Variants in DPYD observed in about 807,000 individuals in gnomAD.
The protein encoded by DPYD is dihydropyrimidine dehydrogenase.
DPYD carries 109 observed loss-of-function variants against 116.2 expected under a neutral mutation model. That is an observed-to-expected ratio of 0.94 (90% confidence interval 0.80 to 1.10). The LOEUF is 1.10. Among genes scored for constraint, DPYD ranks in the 50% least tolerant of loss-of-function variants. DPYD has a pLI of 0.00. For missense variants in DPYD, 1,302 were observed against 1,254.5 expected (o/e 1.04, Z -0.57); for synonymous variants, 440 against 432.0 (o/e 1.02, Z -0.23).
At chr1:97,222,463 T>C (rs1334866063) in intron 19 of DPYD, among the ~76,000 whole-genome samples, 1 of 152,150 alleles carries the variant, frequency 6.6e-6, no homozygotes, top group Non-Finnish European at 1.5e-5. Context: ...TTAATCTTTC[T>C]ATCAAGTGGA....
chr1:97,095,594 A>G (rs1223479916), intron 21 of DPYD, among the ~76,000 whole-genome samples: 2 of 150,098 alleles, frequency 1.3e-5, no homozygotes, highest in Non-Finnish European at 3.0e-5. Context: ...TTTGCTAGAG[A>G]TGATTACACA....
chr1:97,653,576 T>C (rs372080036), intron 8 of DPYD, among the ~76,000 whole-genome samples: 63 of 152,322 alleles, frequency 4.1e-4, no homozygotes, highest in African/African-American at 1.4e-3. Flanking sequence ...GTGCTGGGAT[T>C]ACAGGTGTGA....
chr1:97,602,679 G>C (rs536709647), intron 8 of DPYD, among the ~76,000 whole-genome samples: 24 of 151,870 alleles, frequency 1.6e-4, no homozygotes, highest in African/African-American at 5.8e-4. Context: ...AAATATCCTT[G>C]AGTATATTGT....
chr1:97,720,131 C>T, intron 5 of DPYD: 1 of 984,420 alleles, frequency 1.0e-6, no homozygotes, highest in Non-Finnish European at 1.2e-6. Flanking sequence ...TAATGTATTT[C>T]CCTGTCTCTC....
At chr1:97,144,221 T>G (rs1331286218) in intron 20 of DPYD, among the ~76,000 whole-genome samples, 3 of 152,204 alleles carry the variant, frequency 2.0e-5, no homozygotes, top group African/African-American at 7.2e-5. Context: ...TGCCTTTCTT[T>G]CAGCTTTACG....
intron 10 of DPYD, among the ~76,000 whole-genome samples, chr1:97,584,889 T>C (rs1653978211): frequency 6.6e-6 from 1 of 150,676 alleles, no homozygotes; most frequent in Non-Finnish European, 1.5e-5. Context: ...ACATGGCACA[T>C]GTATACATAT....
At chr1:97,348,220 T>C (rs558651488) in intron 16 of DPYD, among the ~76,000 whole-genome samples, 1 of 152,270 alleles carries the variant, frequency 6.6e-6, no homozygotes, top group East Asian at 1.9e-4. Context: ...ATTCTGTTAA[T>C]ATTACTGTGC....
intron 16 of DPYD, among the ~76,000 whole-genome samples, chr1:97,346,561 G>C (rs1191765114): frequency 1.3e-5 from 2 of 151,724 alleles, no homozygotes; most frequent in East Asian, 3.9e-4. Context: ...AATCCTTATA[G>C]ATTATAAGGT....
At chr1:97,248,468 T>C (rs1662869526) in intron 18 of DPYD, among the ~76,000 whole-genome samples, 1 of 152,224 alleles carries the variant, frequency 6.6e-6, no homozygotes, top group South Asian at 2.1e-4. Context: ...GTGAGTCCAA[T>C]TAAACCTCTT....
At chr1:97,605,442 C>A (rs1241716285) in intron 8 of DPYD, among the ~76,000 whole-genome samples, 2 of 151,850 alleles carry the variant, frequency 1.3e-5, no homozygotes, top group Non-Finnish European at 2.9e-5. Flanking sequence ...TGTGATTTCC[C>A]CTGCTGGCAC....
At chr1:97,697,707 T>A (rs568093853) in intron 6 of DPYD, among the ~76,000 whole-genome samples, 74 of 151,752 alleles carry the variant, frequency 4.9e-4, no homozygotes, top group African/African-American at 1.5e-3. Flanking sequence ...CAAATAAATT[T>A]AAAAAAAACA....
At chr1:97,603,619 G>A (rs1192018831) in intron 8 of DPYD, among the ~76,000 whole-genome samples, 6 of 152,094 alleles carry the variant, frequency 3.9e-5, no homozygotes, top group Non-Finnish European at 7.4e-5. Context: ...TTACTAAAGT[G>A]TTAATCACCA....
chr1:97,729,229 C>A (rs72734017), intron 4 of DPYD, among the ~76,000 whole-genome samples: 3 of 152,172 alleles, frequency 2.0e-5, no homozygotes, highest in South Asian at 2.1e-4. Flanking sequence ...CACACGTACA[C>A]GAGCTTTGAA....
intron 20 of DPYD, among the ~76,000 whole-genome samples, chr1:97,139,788 G>C (rs1253202398): frequency 1.3e-5 from 2 of 152,170 alleles, no homozygotes; most frequent in Non-Finnish European, 2.9e-5. Flanking sequence ...GACTTGGTGA[G>C]ATGTGATTCA....
chr1:97,368,293 A>T (rs1671145297), intron 16 of DPYD, among the ~76,000 whole-genome samples: 1 of 152,142 alleles, frequency 6.6e-6, no homozygotes, highest in Non-Finnish European at 1.5e-5. Flanking sequence ...AGGCAGATTA[A>T]GCACTTTTCT....
intron 3 of DPYD, among the ~76,000 whole-genome samples, chr1:97,807,295 C>G (rs1453342836): frequency 6.6e-6 from 1 of 151,954 alleles, no homozygotes; most frequent in Non-Finnish European, 1.5e-5. Context: ...AATGACAGTC[C>G]CTTTTGCTCC....
At position 97,729,558 on chromosome 1, in the gene DPYD, C is replaced by A. The variant is rs189633468; in HGVS notation, c.322-7887G>T. 5.0e-3 allele frequency among the ~76,000 whole-genome samples: 755 copies of A among 151,826 alleles called. 3 individuals carry two copies. The highest frequency in any genetic ancestry group is 6.8e-3 in the Non-Finnish European group (463 of 67,902). On this transcript the variant is annotated intron_variant, in intron 4 of 22. Coordinates refer to ENST00000370192, the MANE Select transcript of DPYD (RefSeq NM_000110.4). Reference sequence around the variant, plus strand: ...ACTAAATAAATATTAAATAAATATTCCATGTTAGGAAGTAGAATAAGAAAT... The same window carrying A: ...ACTAAATAAATATTAAATAAATATTACATGTTAGGAAGTAGAATAAGAAAT...
intron 12 of DPYD, among the ~76,000 whole-genome samples, chr1:97,517,790 C>A (rs184419614): frequency 2.6e-5 from 4 of 152,208 alleles, no homozygotes; most frequent in Non-Finnish European, 5.9e-5. Flanking sequence ...CAATGTTGAG[C>A]CAACTTGCCT....
intron 3 of DPYD, among the ~76,000 whole-genome samples, chr1:97,796,273 G>A (rs1667565030): frequency 6.6e-6 from 1 of 152,058 alleles, no homozygotes; most frequent in African/African-American, 2.4e-5. Flanking sequence ...AAGCTAAGTT[G>A]TTTTCCTTGT....
Sources: allele counts gnomAD v4.1 joint callset (sites outside exome capture counted in the v4.1 genomes callset), GRCh38; gene constraint gnomAD v4.1.1; transcripts MANE v1.5; gene names NCBI Gene and HGNC (gene_info 2026-07-23, HGNC 2026-07-21).